The following GHR variants were observed in gnomAD, a reference collection of about 807,000 sequenced individuals.
The protein encoded by GHR is growth hormone receptor, also known as GH receptor.
In GHR, 35 loss-of-function variants were observed where a neutral mutation model predicts 67.1. The observed-to-expected ratio is 0.52, with a 90% CI of 0.40 to 0.69. The LOEUF is 0.69. Ranked by LOEUF, GHR falls within the 30% of genes least tolerant of loss-of-function variation. The probability of loss-of-function intolerance (pLI) is 0.00; values close to 1 mark genes in which losing one functional copy is unlikely to be tolerated. For missense variants in GHR, 792 were observed against 764.6 expected, an observed-to-expected ratio of 1.04 and a Z score of -0.42; for synonymous variants, 272 against 269.1, an observed-to-expected ratio of 1.01 and a Z score of -0.10.
At chr5:42,436,747 A>G (rs1474072007) in intron 1 of GHR, among the ~76,000 whole-genome samples, 1 of 152,218 alleles carries the variant, frequency 6.6e-6, no homozygotes, top group East Asian at 1.9e-4. Flanking sequence ...TTTAAGTGTT[A>G]CATGAGGGAT....
chr5:42,475,588 A>T (rs543282811), intron 1 of GHR, among the ~76,000 whole-genome samples: 24 of 145,296 alleles, frequency 1.7e-4, no homozygotes, highest in Non-Finnish European at 2.3e-4. Context: ...GTAATTATGT[A>T]TTTTTTTTTT....
chr5:42,567,517 A>G (rs576394436), intron 2 of GHR, among the ~76,000 whole-genome samples: 3 of 152,308 alleles, frequency 2.0e-5, no homozygotes, highest in Non-Finnish European at 4.4e-5. Context: ...AAGCAAATGC[A>G]ATAGTTTATA....
intron 2 of GHR, among the ~76,000 whole-genome samples, chr5:42,606,132 G>T (rs953129771): frequency 9.2e-5 from 14 of 151,922 alleles, no homozygotes; most frequent in Non-Finnish European, 1.9e-4. Flanking sequence ...AAAAGTTGGG[G>T]TGCTCAATGT....
At position 42,711,217 on chromosome 5, in the gene GHR, T is replaced by C; in HGVS notation, c.629T>C (p.Ile210Thr). The change falls in exon 7 of 10, where the codon ATA (isoleucine) becomes ACA (threonine). Residue 210 changes from isoleucine (I) to threonine (T), a missense_variant. By Grantham distance (89) the Ile-to-Thr change is moderately conservative. Transcript: ENST00000230882. ...ATTTTGTCTTGAAAGATGGACCCTA[T>C]ATTGACAACATCAGTTCCAGTGTAC... ...NETKWKMMDP[I>T]LTTSVPVYSL... 6.2e-7 allele frequency: 1 copy of C among 1,613,068 alleles called. No homozygotes were observed. The highest frequency in any genetic ancestry group is 8.5e-7 in the Non-Finnish European group (1 of 1,179,082).
chr5:42,613,215 A>G (rs1360470911), intron 2 of GHR, among the ~76,000 whole-genome samples: 1 of 152,072 alleles, frequency 6.6e-6, no homozygotes, highest in African/African-American at 2.4e-5. Flanking sequence ...AGCAATCCCA[A>G]CCACATCACT....
intron 1 of GHR, among the ~76,000 whole-genome samples, chr5:42,530,085 A>T (rs546072351): frequency 7.6e-6 from 1 of 131,328 alleles, no homozygotes; most frequent in Non-Finnish European, 1.5e-5. Context: ...TAAAAGTTGT[A>T]TATATTCAAG....
Position 42,718,877 on chromosome 5 carries a change from A to G in GHR, c.1370A>G (p.Gln457Arg), listed in dbSNP as rs1158578523. 6.2e-7 allele frequency: 1 copy of G among 1,613,922 alleles called. No individual in the cohort carries two copies. Among genetic ancestry groups the G allele is most frequent in the Non-Finnish European group, 8.5e-7 (1 of 1,179,982 alleles). ...SVIQAEKNKP[Q>R]PLPTEGAEST... ...ATCCAAGCAGAGAAAAACAAACCACAACCACTTCCTACTGAAGGAGCTGAG... is the reference window on the plus strand; with the variant it reads ...ATCCAAGCAGAGAAAAACAAACCACGACCACTTCCTACTGAAGGAGCTGAG... The change falls in exon 10 of 10, where the codon CAA (glutamine) becomes CGA (arginine). Residue 457 changes from glutamine (Q) to arginine (R), a missense_variant. Physicochemically the swap from Gln to Arg is conservative, Grantham distance 43. Coordinates refer to ENST00000230882, the MANE Select transcript of GHR (RefSeq NM_000163.5).
chr5:42,450,486 T>C (rs1743999640), intron 1 of GHR, among the ~76,000 whole-genome samples: 2 of 152,192 alleles, frequency 1.3e-5, no homozygotes, highest in African/African-American at 4.8e-5. Flanking sequence ...GTTTCATTTC[T>C]TATTGAGCGT....
intron 3 of GHR, among the ~76,000 whole-genome samples, chr5:42,654,339 T>C (rs899390167): frequency 6.6e-6 from 1 of 152,154 alleles, no homozygotes; most frequent in African/African-American, 2.4e-5. Flanking sequence ...ACTGATTCTG[T>C]ACCAATGCCC....
intron 3 of GHR, among the ~76,000 whole-genome samples, chr5:42,672,430 A>G (rs1017247239): frequency 5.9e-5 from 9 of 152,206 alleles, no homozygotes; most frequent in African/African-American, 2.2e-4. Context: ...CTAGGGATAC[A>G]TCTAACCAAG....
chr5:42,508,459 C>T (rs913575357), intron 1 of GHR, among the ~76,000 whole-genome samples: 4 of 152,182 alleles, frequency 2.6e-5, no homozygotes, highest in Non-Finnish European at 5.9e-5. Flanking sequence ...CTGGAGGCTT[C>T]ATATGAAAGC....
intron 1 of GHR, among the ~76,000 whole-genome samples, chr5:42,488,970 T>C (rs953822194): frequency 2.6e-5 from 4 of 152,196 alleles, no homozygotes; most frequent in Non-Finnish European, 5.9e-5. Flanking sequence ...CCAACACCAA[T>C]CTACACGTCT....
intron 1 of GHR, among the ~76,000 whole-genome samples, chr5:42,474,590 A>T (rs1745211375): frequency 6.6e-6 from 1 of 152,154 alleles, no homozygotes; most frequent in Admixed American, 6.5e-5. Context: ...AAGCCTGGGA[A>T]CCACGATGGA....
chr5:42,694,494 G>A (rs924959904), intron 4 of GHR, among the ~76,000 whole-genome samples: 2 of 152,078 alleles, frequency 1.3e-5, no homozygotes, highest in South Asian at 4.2e-4. Flanking sequence ...TTCACCATAG[G>A]CTGGTGAAAC....
intron 1 of GHR, among the ~76,000 whole-genome samples, chr5:42,481,676 G>T (rs530609075): frequency 3.3e-5 from 5 of 151,794 alleles, no homozygotes; most frequent in African/African-American, 7.3e-5. Context: ...TGATCTCATC[G>T]GCTACTGAGG....
At chr5:42,433,699 A>G (rs922239683) in intron 1 of GHR, among the ~76,000 whole-genome samples, 2 of 151,684 alleles carry the variant, frequency 1.3e-5, no homozygotes, top group South Asian at 2.1e-4. Flanking sequence ...TTCATGGGCA[A>G]CATGGCTCCT....
intron 1 of GHR, among the ~76,000 whole-genome samples, chr5:42,532,181 C>T (rs1162954231): frequency 2.6e-5 from 4 of 152,058 alleles, no homozygotes; most frequent in African/African-American, 4.8e-5. Flanking sequence ...GATCATATAA[C>T]AATAAGTCTT....
At chr5:42,495,318 G>T (rs576329191) in intron 1 of GHR, among the ~76,000 whole-genome samples, 37 of 152,152 alleles carry the variant, frequency 2.4e-4, no homozygotes, top group African/African-American at 7.7e-4. Flanking sequence ...AGACTCCTTT[G>T]AGAGTGACAT....
intron 1 of GHR, among the ~76,000 whole-genome samples, chr5:42,483,400 G>C (rs762964638): frequency 2.3e-4 from 35 of 151,812 alleles, no homozygotes; most frequent in Non-Finnish European, 4.9e-4. Flanking sequence ...ATCTGCCCAA[G>C]GAGCCTGAGC....
Sources: allele counts gnomAD v4.1 joint callset (sites outside exome capture counted in the v4.1 genomes callset), GRCh38; gene constraint gnomAD v4.1.1; transcripts MANE v1.5; gene names NCBI Gene and HGNC (gene_info 2026-07-23, HGNC 2026-07-21).